Variants in MAP4K3 observed in about 807,000 individuals in gnomAD.
MAP4K3 encodes the protein mitogen-activated protein kinase kinase kinase kinase 3.
MAP4K3 carries 94 observed loss-of-function variants against 143.5 expected under a neutral mutation model. That is an observed-to-expected ratio of 0.65 (90% confidence interval 0.55 to 0.78). The LOEUF is 0.78. Among genes scored for constraint, MAP4K3 ranks in the 30% least tolerant of loss-of-function variants. The pLI is 0.00. For synonymous variants in MAP4K3, 416 were observed against 347.2 expected (o/e 1.20, Z -2.20); for missense variants, 1,077 against 1,068.1 (o/e 1.01, Z -0.12).
chr2:39,392,077 C>T (rs1165607825), intron 1 of MAP4K3, among the ~76,000 whole-genome samples: 1 of 145,868 alleles, frequency 6.9e-6, no homozygotes, highest in Non-Finnish European at 1.5e-5. Context: ...CCCAGCTACT[C>T]GGGAGGCTGT....
intron 2 of MAP4K3, among the ~76,000 whole-genome samples, chr2:39,365,485 C>T (rs939764374): frequency 2.8e-5 from 4 of 144,418 alleles, no homozygotes; most frequent in South Asian, 4.4e-4. Context: ...TCGCCCAGGC[C>T]GGACTGCGGA....
At chr2:39,399,756 G>A (rs1234965413) in intron 1 of MAP4K3, among the ~76,000 whole-genome samples, 1 of 152,158 alleles carries the variant, frequency 6.6e-6, no homozygotes, top group Non-Finnish European at 1.5e-5. Context: ...TTCTTACACA[G>A]AAACTATGCC....
intron 29 of MAP4K3, 76 bp from the exon 30 acceptor site, chr2:39,258,663 T>A: frequency 9.8e-7 from 1 of 1,025,258 alleles, no homozygotes. Flanking sequence ...AGAAAAAGAA[T>A]TCTGAGGATA....
At chr2:39,403,156 A>C (rs1414263701) in intron 1 of MAP4K3, among the ~76,000 whole-genome samples, 1 of 152,212 alleles carries the variant, frequency 6.6e-6, no homozygotes, top group Admixed American at 6.5e-5. Context: ...CAGAAAAATG[A>C]AAAGAATACT....
intron 3 of MAP4K3, among the ~76,000 whole-genome samples, chr2:39,350,534 T>C (rs1665424168): frequency 6.6e-6 from 1 of 152,202 alleles, no homozygotes; most frequent in African/African-American, 2.4e-5. Flanking sequence ...ATATTCTAAG[T>C]ATTCAAAAAG....
intron 2 of MAP4K3, among the ~76,000 whole-genome samples, chr2:39,362,823 A>T (rs1485250826): frequency 5.9e-5 from 9 of 152,246 alleles, no homozygotes; most frequent in African/African-American, 2.2e-4. Context: ...GCAATCAAAC[A>T]ATATGGCACT....
chr2:39,411,582 C>G (rs1364376346), intron 1 of MAP4K3, among the ~76,000 whole-genome samples: 1 of 152,188 alleles, frequency 6.6e-6, no homozygotes, highest in African/African-American at 2.4e-5. Flanking sequence ...TTCTGGAAAT[C>G]CATTTCTCTG....
At chr2:39,357,445 T>C (rs139987442) in intron 2 of MAP4K3, among the ~76,000 whole-genome samples, 205 of 152,350 alleles carry the variant, frequency 1.3e-3, no homozygotes, top group Admixed American at 3.7e-3. Context: ...CTGACATTTC[T>C]GGCCTTGGCA....
chr2:39,400,633 T>C (rs897427609), intron 1 of MAP4K3, among the ~76,000 whole-genome samples: 4 of 152,008 alleles, frequency 2.6e-5, no homozygotes, highest in Non-Finnish European at 4.4e-5. Context: ...CTAATCATTT[T>C]ATTTTTTATT....
chr2:39,381,161 T>C (rs1019048587), intron 1 of MAP4K3, among the ~76,000 whole-genome samples: 25 of 152,246 alleles, frequency 1.6e-4, no homozygotes, highest in African/African-American at 6.0e-4. Context: ...TACTGCCAAA[T>C]AGTATTCCAT....
chr2:39,313,089 T>C (rs1682995329), intron 13 of MAP4K3, among the ~76,000 whole-genome samples: 1 of 152,224 alleles, frequency 6.6e-6, no homozygotes, highest in Non-Finnish European at 1.5e-5. Context: ...GTATCACTCT[T>C]CTGCTCTCTT....
intron 1 of MAP4K3, among the ~76,000 whole-genome samples, chr2:39,397,514 A>G (rs988463014): frequency 6.6e-6 from 1 of 152,162 alleles, no homozygotes; most frequent in African/African-American, 2.4e-5. Flanking sequence ...ATTCTTAGAG[A>G]GGCTAAACAT....
chr2:39,359,608 C>T (rs1279442667), intron 2 of MAP4K3, among the ~76,000 whole-genome samples: 1 of 152,248 alleles, frequency 6.6e-6, no homozygotes, highest in Non-Finnish European at 1.5e-5. Context: ...CTAGCAGAAC[C>T]ACGAGGGCTC....
intron 14 of MAP4K3, 127 bp downstream of exon 14, chr2:39,309,334 A>G (rs2148498672): frequency 3.1e-6 from 2 of 642,136 alleles, no homozygotes; most frequent in East Asian, 6.3e-5. Context: ...TATGTTGACC[A>G]GGCTGGGACC....
intron 5 of MAP4K3, 139 bp downstream of exon 5, chr2:39,337,387 T>C: frequency 1.8e-6 from 1 of 547,996 alleles, no homozygotes; most frequent in Non-Finnish European, 3.2e-6. Flanking sequence ...CATTACACAA[T>C]TTTCAAATGT....
At chr2:39,376,376 A>AT (rs1456251677) in intron 2 of MAP4K3, among the ~76,000 whole-genome samples, 1 of 151,788 alleles carries the variant, frequency 6.6e-6, no homozygotes, top group South Asian at 2.1e-4. Flanking sequence ...AATGATTTTT[A>AT]TTTTTTTCCT....
intron 1 of MAP4K3, among the ~76,000 whole-genome samples, chr2:39,427,413 G>T (rs1665123393): frequency 6.6e-6 from 1 of 151,990 alleles, no homozygotes; most frequent in Non-Finnish European, 1.5e-5. Flanking sequence ...AGAAGAAACA[G>T]TGAGCAAAGA....
chr2:39,298,313 A>C (rs1417258935), intron 16 of MAP4K3, among the ~76,000 whole-genome samples: 1 of 152,112 alleles, frequency 6.6e-6, no homozygotes, highest in African/African-American at 2.4e-5. Flanking sequence ...AAAATTTTAC[A>C]CTTATTTTCC....
intron 24 of MAP4K3, among the ~76,000 whole-genome samples, chr2:39,277,000 T>C (rs1486549829): frequency 6.6e-6 from 1 of 152,262 alleles, no homozygotes; most frequent in African/African-American, 2.4e-5. Flanking sequence ...CTGTATGATA[T>C]GTGAATTATA....
Sources: gnomAD v4.1 joint callset for allele counts (sites outside exome capture counted in the v4.1 genomes callset) on GRCh38, gnomAD v4.1.1 for gene constraint, MANE v1.5 for transcripts, NCBI Gene and HGNC (gene_info 2026-07-23, HGNC 2026-07-21) for gene names.